The following SV2C variants were observed in gnomAD, a reference collection of about 807,000 sequenced individuals.
The protein encoded by SV2C is synaptic vesicle glycoprotein 2C, also known as solute carrier family 22 member B3.
Under a neutral mutation model 79.7 loss-of-function variants are expected in SV2C, and 49 were observed. The ratio of observed to expected loss-of-function variants is 0.61; its 90% confidence interval spans 0.49 to 0.78. SV2C has a LOEUF of 0.78. Ranked by LOEUF, SV2C falls within the 30% of genes least tolerant of loss-of-function variation. The pLI is 0.00. For missense variants in SV2C, 833 were observed against 912.9 expected (o/e 0.91, Z 1.13); for synonymous variants, 334 against 333.2 (o/e 1.00, Z -0.03).
the SV2C span, among the ~76,000 whole-genome samples, chr5:75,996,969 C>A: frequency 1.4e-5 from 2 of 141,542 alleles, no homozygotes; most frequent in Non-Finnish European, 3.1e-5. Context: ...AATTGAATAC[C>A]CTTTATTTCC....
At chr5:75,888,344 A>AT in the SV2C span, among the ~76,000 whole-genome samples, 6,334 of 150,228 alleles carry the variant, frequency 0.042, 185 homozygotes, top group Non-Finnish European at 0.063. Context: ...AAAAAAAAAA[A>AT]TTTTTTTTTT....
chr5:75,903,827 A>C, the SV2C span, among the ~76,000 whole-genome samples: 5 of 152,228 alleles, frequency 3.3e-5, no homozygotes, highest in African/African-American at 1.2e-4. Flanking sequence ...ACATTTCCTC[A>C]TCACCCAAAT....
chr5:76,178,164 G>A (rs147905856), intron 2 of SV2C, among the ~76,000 whole-genome samples: 61 of 152,228 alleles, frequency 4.0e-4, no homozygotes, highest in Middle Eastern at 6.8e-3. Flanking sequence ...TGGTAGACAA[G>A]GTGGAAACTG....
At chr5:76,295,019 T>G (rs934498724) in intron 8 of SV2C, among the ~76,000 whole-genome samples, 2 of 152,132 alleles carry the variant, frequency 1.3e-5, no homozygotes, top group Admixed American at 1.3e-4. Flanking sequence ...ACCACCAGAC[T>G]AGGAGAGAGA....
intron 4 of SV2C, among the ~76,000 whole-genome samples, chr5:76,271,122 G>A (rs1180515019): frequency 6.6e-6 from 1 of 151,740 alleles, no homozygotes; most frequent in Admixed American, 6.6e-5. Flanking sequence ...AATGTCAAAA[G>A]GGAAAAAAAA....
At chr5:76,006,746 C>T in the SV2C span, among the ~76,000 whole-genome samples, 4 of 152,058 alleles carry the variant, frequency 2.6e-5, no homozygotes, top group African/African-American at 9.7e-5. Context: ...GGCATGCCAC[C>T]CCATCAATAA....
the SV2C span, among the ~76,000 whole-genome samples, chr5:75,999,381 G>GAGAA: frequency 3.0e-5 from 1 of 33,636 alleles, no homozygotes; most frequent in East Asian, 2.6e-4. Flanking sequence ...GAGAAAGAGA[G>GAGAA]AGAGAGAGAG....
chr5:76,079,940 A>G (rs915478526), upstream of SV2C, among the ~76,000 whole-genome samples: 1 of 151,904 alleles, frequency 6.6e-6, no homozygotes, highest in Admixed American at 6.6e-5. Flanking sequence ...TGATGAGCTT[A>G]GGGTGTTTTT....
the SV2C span, among the ~76,000 whole-genome samples, chr5:76,022,748 C>A: frequency 1.3e-5 from 2 of 152,170 alleles, no homozygotes; most frequent in Non-Finnish European, 1.5e-5. Context: ...TAAAATAATG[C>A]ATTAATTTAG....
In SV2C at chr5:76,124,916, A is replaced by C. The variant is rs79549304; in HGVS notation, c.-101-6734A>C. Among the ~76,000 whole-genome samples the C allele has an allele frequency of 8.0e-3, 1,224 of 152,300 alleles. 24 individuals carry two copies. Among genetic ancestry groups the C allele is most frequent in the African/African-American group, 0.028 (1,182 of 41,570 alleles). On this transcript the variant is annotated intron_variant, in intron 1 of 12. Coordinates refer to ENST00000502798, the MANE Select transcript of SV2C (RefSeq NM_014979.4). ...CTAAATTGAATTCAAGTATTTCTTCAAAGAAGGATAGTGCCCACTTTGACT... is the reference window on the plus strand; with the variant it reads ...CTAAATTGAATTCAAGTATTTCTTCCAAGAAGGATAGTGCCCACTTTGACT...
chr5:76,318,359 A>C (rs1748706800), intron 12 of SV2C, among the ~76,000 whole-genome samples: 1 of 152,088 alleles, frequency 6.6e-6, no homozygotes, highest in Non-Finnish European at 1.5e-5. Context: ...CGGAGGTTGC[A>C]GTGAGCCGAG....
At chr5:76,247,243 T>C (rs1355222864) in intron 4 of SV2C, among the ~76,000 whole-genome samples, 1 of 152,220 alleles carries the variant, frequency 6.6e-6, no homozygotes, top group East Asian at 1.9e-4. Context: ...AGGAAATAAC[T>C]GAGCCAGAAC....
intron 2 of SV2C, among the ~76,000 whole-genome samples, chr5:76,180,074 A>G (rs1387532138): frequency 6.6e-6 from 1 of 152,188 alleles, no homozygotes; most frequent in Admixed American, 6.5e-5. Context: ...TTCCTGCCAT[A>G]CACAATCATG....
chr5:76,303,764 T>C (rs531701651), intron 12 of SV2C, among the ~76,000 whole-genome samples: 1 of 152,338 alleles, frequency 6.6e-6, no homozygotes, highest in Admixed American at 6.5e-5. Context: ...TGTTGCTTAT[T>C]TGTATTAATT....
the SV2C span, among the ~76,000 whole-genome samples, chr5:75,929,013 A>C: frequency 1.3e-5 from 2 of 151,996 alleles, no homozygotes; most frequent in African/African-American, 4.8e-5. Flanking sequence ...TTTTGACCTT[A>C]TCTCTGCCAT....
intron 9 of SV2C, 28 bp downstream of exon 9, chr5:76,295,970 G>T: frequency 6.5e-7 from 1 of 1,532,480 alleles, no homozygotes. Context: ...AATTTAATTT[G>T]CTACCTATTC....
At chr5:76,249,764 T>TCA (rs1367927920) in intron 4 of SV2C, among the ~76,000 whole-genome samples, 152 of 152,310 alleles carry the variant, frequency 1.0e-3, no homozygotes, top group Non-Finnish European at 1.7e-3. Context: ...GGTAGGTGTG[T>TCA]GTTGCTGATG....
At chr5:76,282,110 T>C (rs981259430) in intron 4 of SV2C, among the ~76,000 whole-genome samples, 1 of 152,172 alleles carries the variant, frequency 6.6e-6, no homozygotes, top group Non-Finnish European at 1.5e-5. Context: ...GTGAGAAACA[T>C]GTGAGGGGAG....
intron 6 of SV2C, among the ~76,000 whole-genome samples, chr5:76,287,595 C>G (rs1002713345): frequency 6.6e-6 from 1 of 152,122 alleles, no homozygotes; most frequent in Non-Finnish European, 1.5e-5. Flanking sequence ...TCCCTCAGCT[C>G]CTCACACTCA....
Sources: allele counts gnomAD v4.1 joint callset (sites outside exome capture counted in the v4.1 genomes callset), GRCh38; gene constraint gnomAD v4.1.1; transcripts MANE v1.5; gene names NCBI Gene and HGNC (gene_info 2026-07-23, HGNC 2026-07-21).